NCOR1: variants seen among roughly 807,000 people sequenced by gnomAD.
NCOR1 encodes protein phosphatase 1, regulatory subunit 109.
In NCOR1, 63 loss-of-function variants were observed where a neutral mutation model predicts 288.1. That is an observed-to-expected ratio of 0.22 (90% CI 0.18 to 0.27). The LOEUF is 0.27. Ranked by LOEUF, NCOR1 falls within the 10% of genes least tolerant of loss-of-function variation. The pLI is 1.00. For missense variants in NCOR1, 2,397 were observed against 3,019.2 expected (o/e 0.79, Z 4.83); for synonymous variants, 1,007 against 1,065.9 (o/e 0.94, Z 1.08).
chr17:16,102,308 G>T (rs546443853), intron 19 of NCOR1, among the ~76,000 whole-genome samples: 12 of 152,102 alleles, frequency 7.9e-5, no homozygotes, highest in Non-Finnish European at 1.3e-4. Flanking sequence ...TGGAGATGGG[G>T]TTTTGCTCTT....
chr17:16,032,331 C>T lies in NCOR1; in HGVS notation c.7288G>A (p.Ala2430Thr), dbSNP rs2151754407. ...CTATCCGACAGGGTCTCGTACTGTG[C>T]TGAGAGCAGTGGGGCAGGCTCTCGC... ...WEREPAPLLS[A>T]QYETLSDSDD Residue 2430 changes from alanine to threonine, a missense_variant, in exon 46 of 46, where the codon GCA becomes ACA. Physicochemically the swap from Ala to Thr is moderately conservative, Grantham distance 58 (BLOSUM62 0). Transcript: ENST00000268712. The T allele has an allele frequency of 2.5e-6, 4 of 1,614,102 alleles. No individual in the cohort carries two copies. The highest frequency in any genetic ancestry group is 3.4e-6 in the Non-Finnish European group (4 of 1,180,014).
rs1417595982 is a variant in NCOR1 at position 16,092,687 on chromosome 17, ATATATATATTTTTTTT to A, written c.2821-645_2821-630del. On this transcript the variant is annotated intron_variant, in intron 21 of 45. Transcript: ENST00000268712. Reference sequence around the variant, plus strand: ...TATATATATATATATATATATATATATATATATATTTTTTTTTTTTTTTTTTTTTAAGACATAGTCT... The same window carrying A: ...TATATATATATATATATATATATATATTTTTTTTTTTTTAAGACATAGTCT... Among the ~76,000 whole-genome samples the A allele has an allele frequency of 3.2e-3, 37 of 11,552 alleles. 1 individual carries two copies. Among genetic ancestry groups the A allele is most frequent in the South Asian group, 5.7e-3 (1 of 176 alleles). The allele number at this position is 11,552 out of a possible 152,430, so 7.6% of individuals were successfully genotyped here.
At chr17:16,210,792 C>G (rs1200657129) in intron 1 of NCOR1, among the ~76,000 whole-genome samples, 1 of 151,472 alleles carries the variant, frequency 6.6e-6, no homozygotes, top group Admixed American at 6.6e-5. Flanking sequence ...TGCAGTGGCG[C>G]AATCTCGGCT....
chr17:16,150,672 C>T (rs553872385), intron 8 of NCOR1, among the ~76,000 whole-genome samples: 1 of 147,604 alleles, frequency 6.8e-6, no homozygotes, highest in South Asian at 2.2e-4. Flanking sequence ...AGAAACAGGA[C>T]ACAACACAAA....
At chr17:16,166,948 T>A (rs1403851573) in intron 4 of NCOR1, among the ~76,000 whole-genome samples, 1 of 152,180 alleles carries the variant, frequency 6.6e-6, no homozygotes, top group Non-Finnish European at 1.5e-5. Context: ...GCCTTTCTCT[T>A]TCATTATGAG....
chr17:16,040,263 T>C, intron 43 of NCOR1, 178 bp downstream of exon 43: 1 of 693,924 alleles, frequency 1.4e-6, no homozygotes, highest in South Asian at 1.5e-5. Context: ...AGGTATTTAC[T>C]GGATCTCAGT....
intron 37 of NCOR1, among the ~76,000 whole-genome samples, chr17:16,060,235 A>T (rs76938290): frequency 0.011 from 1,667 of 152,348 alleles, 36 homozygotes; most frequent in African/African-American, 0.037. Context: ...CCACACACAG[A>T]GACATGGACA....
At chr17:16,092,685 ATATATATATATTTTTTTTTTTT>A (rs1487116067) in intron 21 of NCOR1, among the ~76,000 whole-genome samples, 1 of 13,836 alleles carries the variant, frequency 7.2e-5, no homozygotes, top group African/African-American at 3.3e-4. Flanking sequence ...ATATATATAT[ATATATATATATTTTTTTTTTTT>A]TTTTTTTTTA....
intron 3 of NCOR1, among the ~76,000 whole-genome samples, chr17:16,183,230 C>CAAAAAAAAAAAAAAAA (rs59665102): frequency 1.1e-4 from 7 of 64,066 alleles, no homozygotes; most frequent in African/African-American, 3.2e-4. Context: ...AGCAATCAAA[C>CAAAAAAAAAAAAAAAA]AAAAAAAAAA....
intron 28 of NCOR1, among the ~76,000 whole-genome samples, chr17:16,072,499 C>T (rs189603899): frequency 2.6e-5 from 4 of 152,158 alleles, no homozygotes; most frequent in Admixed American, 1.3e-4. Context: ...AATCCCAACA[C>T]TTCTTTATCA....
chr17:16,067,978 C>T lies in NCOR1; in HGVS notation c.4657G>A (p.Gly1553Ser), dbSNP rs2061325197. The change falls in exon 32 of 46, where the codon GGC (glycine) becomes AGC (serine). Residue 1553 changes from glycine (G) to serine (S), a missense_variant. Coordinates refer to ENST00000268712, the MANE Select transcript of NCOR1 (RefSeq NM_006311.4). ...CGATAAACCTCGCCTGCAGTGCTGC[C>T]TCTGTGATGGGGATCAAACGGACTG... ...SHSPFDPHHR[G>S]STAGEVYRSH... 6.2e-7 allele frequency: 1 copy of T among 1,614,224 alleles called. No homozygotes were observed. The highest frequency in any genetic ancestry group is 8.5e-7 in the Non-Finnish European group (1 of 1,180,036).
intron 1 of NCOR1, among the ~76,000 whole-genome samples, chr17:16,214,335 T>G (rs900389863): frequency 2.0e-5 from 3 of 152,196 alleles, no homozygotes; most frequent in African/African-American, 4.8e-5. Context: ...CAAGATATAT[T>G]GAACGAATGA....
At chr17:16,103,959 G>A (rs893525349) in intron 19 of NCOR1, among the ~76,000 whole-genome samples, 5 of 152,198 alleles carry the variant, frequency 3.3e-5, no homozygotes, top group Admixed American at 6.5e-5. Context: ...GTGGTGAGCC[G>A]AGATCATGCC....
At position 16,032,308 on chromosome 17, in the gene NCOR1, A is replaced by G; in HGVS notation, c.7311T>C (p.Asp2437=). 3.1e-6 allele frequency: 5 copies of G among 1,612,738 alleles called. No homozygotes were observed. The highest frequency in any genetic ancestry group is 1.1e-5 in the South Asian group (1 of 90,728). The change falls in exon 46 of 46, where the codon GAT becomes GAC. Residue 2437 remains aspartate (D), a synonymous_variant. Transcript: ENST00000268712. ...CACTTTGTGCAGTTCAGTCATCACT[A>G]TCCGACAGGGTCTCGTACTGTGCTG... is the stretch of plus-strand genomic sequence containing the variant. ...LLSAQYETLS[D]SDD
At chr17:16,204,195 G>A (rs2091217104) in intron 1 of NCOR1, among the ~76,000 whole-genome samples, 1 of 152,146 alleles carries the variant, frequency 6.6e-6, no homozygotes, top group Non-Finnish European at 1.5e-5. Context: ...AACACATTTA[G>A]TAAATGACAA....
chr17:16,109,000 C>T (rs1050167066), intron 18 of NCOR1, 88 bp from the exon 19 acceptor site: 2 of 1,020,468 alleles, frequency 2.0e-6, no homozygotes, highest in African/African-American at 3.3e-5. Flanking sequence ...TTGATAAGCA[C>T]ACACACACAC....
chr17:16,199,226 C>A (rs867569126), intron 1 of NCOR1, among the ~76,000 whole-genome samples: 10 of 142,310 alleles, frequency 7.0e-5, no homozygotes, highest in African/African-American at 1.1e-4. Flanking sequence ...AACACACACA[C>A]ACACACACAC....
chr17:16,149,149 A>C (rs1369356708), intron 9 of NCOR1, among the ~76,000 whole-genome samples: 1 of 151,986 alleles, frequency 6.6e-6, no homozygotes, highest in Admixed American at 6.5e-5. Flanking sequence ...TAAGAAACTA[A>C]ATTATCTTTC....
At chr17:16,043,001 G>C (rs186833771) in intron 42 of NCOR1, among the ~76,000 whole-genome samples, 21 of 152,274 alleles carry the variant, frequency 1.4e-4, no homozygotes, top group African/African-American at 4.6e-4. Context: ...TAAGAAGTGA[G>C]CCCTGGGGAA....
Sources: gnomAD v4.1 joint callset for allele counts (sites outside exome capture counted in the v4.1 genomes callset) on GRCh38, gnomAD v4.1.1 for gene constraint, MANE v1.5 for transcripts, NCBI Gene and HGNC (gene_info 2026-07-23, HGNC 2026-07-21) for gene names.